Variants in FKTN observed in about 807,000 individuals in gnomAD.
FKTN encodes fukutin.
FKTN carries 47 observed loss-of-function variants against 58.6 expected under a neutral mutation model. That is an observed-to-expected ratio of 0.80 (90% confidence interval 0.63 to 1.02). The LOEUF is 1.02. Among genes scored for constraint, FKTN ranks in the 50% least tolerant of loss-of-function variants. The probability of loss-of-function intolerance (pLI) is 0.00; values close to 1 mark genes in which losing one functional copy is unlikely to be tolerated. For missense variants in FKTN, 516 were observed against 537.3 expected, an observed-to-expected ratio of 0.96 and a Z score of 0.39; for synonymous variants, 178 against 191.9, an observed-to-expected ratio of 0.93 and a Z score of 0.60.
Position 105,636,809 on chromosome 9 carries a change from A to G in FKTN, c.*1545A>G. 3 of 1,224,698 alleles carry G rather than the reference A, an allele frequency of 2.4e-6. No homozygotes were observed. Among genetic ancestry groups the G allele is most frequent in the Non-Finnish European group, 3.2e-6 (3 of 939,378 alleles). 75.9% of individuals were successfully genotyped at this position (1,224,698 alleles called of 1,614,324 possible). ...TGAATGTCTGAGGGAATGGGCTGGT[A>G]GACTTTTTCGAAAACAAATTAGAGA... is the stretch of plus-strand genomic sequence containing the variant. On this transcript the variant is annotated 3_prime_UTR_variant, in exon 11 of 11. Transcript: ENST00000357998.
rs540041878 is a variant in FKTN, at chr9:105,617,902, A to T, written c.911-57A>T. 6 of 1,071,378 alleles carry T rather than the reference A, an allele frequency of 5.6e-6. No individual in the cohort carries two copies. The South Asian group carries it at 7.1e-5, about 13-fold the overall frequency. The allele number at this position is 1,071,378 out of a possible 1,614,324, so 66.4% of individuals were successfully genotyped here. Reference sequence around the variant, plus strand: ...CCTTGTTACAAATATAATTTGTTATAATAACTAATTTTTTCCAAACCTAAA... The same window carrying T: ...CCTTGTTACAAATATAATTTGTTATTATAACTAATTTTTTCCAAACCTAAA... On this transcript the variant is annotated intron_variant, in intron 8 of 10. Coordinates refer to ENST00000357998, the MANE Select transcript of FKTN (RefSeq NM_001079802.2).
chr9:105,627,379 C>T (rs1832874857), intron 10 of FKTN, among the ~76,000 whole-genome samples: 1 of 152,046 alleles, frequency 6.6e-6, no homozygotes, highest in African/African-American at 2.4e-5. Context: ...GAAATCTTTC[C>T]CTATCCCAAG....
intron 4 of FKTN, among the ~76,000 whole-genome samples, chr9:105,600,348 C>T (rs924185024): frequency 2.0e-5 from 3 of 151,994 alleles, no homozygotes; most frequent in Non-Finnish European, 4.4e-5. Context: ...CATGAAGCAC[C>T]TTTTTGATAG....
intron 3 of FKTN, among the ~76,000 whole-genome samples, chr9:105,591,647 G>C (rs80170401): frequency 0.031 from 4,739 of 152,232 alleles, 163 homozygotes; most frequent in African/African-American, 0.087. Context: ...GTACCATGCA[G>C]GTTACTGGTG....
At position 105,635,383 on chromosome 9, in the gene FKTN, G is replaced by A; in HGVS notation, c.*119G>A. 1.3e-6 allele frequency: 2 copies of A among 1,530,202 alleles called. No homozygotes were observed. The highest frequency in any genetic ancestry group is 1.8e-6 in the Non-Finnish European group (2 of 1,140,816). 94.8% of individuals were successfully genotyped at this position (1,530,202 alleles called of 1,614,324 possible). ...ACCAAAGAAAAAATGTGACAAGTTT[G>A]AAGACACAGAAAGAGTCATCTGATG... On this transcript the variant is annotated 3_prime_UTR_variant, in exon 11 of 11. Coordinates refer to ENST00000357998, the MANE Select transcript of FKTN (RefSeq NM_001079802.2).
In FKTN at chr9:105,575,137, G is replaced by A. The variant is rs751029878; in HGVS notation, c.105G>A (p.Lys35=). ...ACTACAAGCACTATTTATCAACAAA[G>A]GTAATTTTATTCCTTCTTTCTTATC... ...LYYYKHYLST[K]NGAGLSKSKG... is the part of the protein sequence containing the mutation. The change falls in exon 3 of 11, where the codon AAG becomes AAA. Residue 35 remains lysine, a splice_region_variant and synonymous_variant. Coordinates refer to ENST00000357998, the MANE Select transcript of FKTN (RefSeq NM_001079802.2). 3.3e-6 allele frequency: 5 copies of A among 1,512,882 alleles called. No individual in the cohort carries two copies. The highest frequency in any genetic ancestry group is 4.6e-6 in the Non-Finnish European group (5 of 1,088,014). 93.7% of individuals were successfully genotyped at this position (1,512,882 alleles called of 1,614,324 possible). A position where few individuals can be genotyped will look rare whatever the true frequency, so the allele number is the denominator to read the frequency against.
At position 105,639,940 on chromosome 9, in the gene FKTN, A is replaced by T. The variant is rs943104789; in HGVS notation, c.*4676A>T. 4.1e-6 allele frequency: 6 copies of T among 1,466,026 alleles called. No homozygotes were observed. The African/African-American group carries it at 8.5e-5, about 21-fold the overall frequency. The allele number at this position is 1,466,026 out of a possible 1,614,324, so 90.8% of individuals were successfully genotyped here. On this transcript the variant is annotated 3_prime_UTR_variant, in exon 11 of 11. Coordinates refer to ENST00000357998, the MANE Select transcript of FKTN (RefSeq NM_001079802.2). ...TAAATCTTTACCTCCTTGTTAGTGAAATTAGATATAAGCCATGATTTGGAG... is the reference window on the plus strand; with the variant it reads ...TAAATCTTTACCTCCTTGTTAGTGATATTAGATATAAGCCATGATTTGGAG...
intron 4 of FKTN, 35 bp downstream of exon 4, chr9:105,596,692 A>C: frequency 7.3e-7 from 1 of 1,371,880 alleles, no homozygotes; most frequent in Non-Finnish European, 1.0e-6. Flanking sequence ...CTCAATTATA[A>C]TGTTCATTTA....
intron 7 of FKTN, among the ~76,000 whole-genome samples, chr9:105,612,432 C>A (rs1830100410): frequency 1.3e-5 from 2 of 152,002 alleles, no homozygotes; most frequent in South Asian, 4.2e-4. Flanking sequence ...GTTGCAATTT[C>A]TTTTGGCATC....
intron 3 of FKTN, among the ~76,000 whole-genome samples, chr9:105,576,875 T>TGGTA (rs1469445130): frequency 1.9e-4 from 20 of 103,510 alleles, no homozygotes; most frequent in African/African-American, 8.0e-4. Flanking sequence ...TGGTGTGAGA[T>TGGTA]GGTATCTCAT....
chr9:105,581,382 A>G (rs941664058), intron 3 of FKTN, among the ~76,000 whole-genome samples: 8 of 148,104 alleles, frequency 5.4e-5, no homozygotes, highest in Non-Finnish European at 1.2e-4. Flanking sequence ...TTTTCCTTCT[A>G]ACAGACAGGA....
At position 105,615,269 on chromosome 9, in the gene FKTN, T is replaced by A. The variant is rs370564232; in HGVS notation, c.781-9T>A. On this transcript the variant is annotated splice_polypyrimidine_tract_variant and intron_variant, in intron 7 of 10. Transcript: ENST00000357998. ...GGCTGTAATAGCTGACTATTTATTA[T>A]ATCTGTAGCAGTACCTTGATGATAA... 1.2e-6 allele frequency: 2 copies of A among 1,613,702 alleles called. No homozygotes were observed. Among genetic ancestry groups the A allele is most frequent in the South Asian group, 2.2e-5 (2 of 91,086 alleles).
chr9:105,566,083 G>C (rs749187522), intron 1 of FKTN, among the ~76,000 whole-genome samples: 10 of 152,194 alleles, frequency 6.6e-5, no homozygotes, highest in Non-Finnish European at 1.5e-4. Context: ...CAGAAATAAA[G>C]ATGTGCTTTG....
intron 2 of FKTN, among the ~76,000 whole-genome samples, chr9:105,573,980 A>G (rs918638184): frequency 2.6e-5 from 4 of 152,234 alleles, no homozygotes; most frequent in Non-Finnish European, 5.9e-5. Context: ...ATAAACTGCA[A>G]GAAGATGAAT....
chr9:105,619,911 G>A (rs760739538), intron 9 of FKTN, 23 bp from the exon 10 acceptor site: 1 of 1,602,980 alleles, frequency 6.2e-7, no homozygotes, highest in South Asian at 1.1e-5. Flanking sequence ...TTCAGTGTGT[G>A]AAGGTTTTCA....
intron 3 of FKTN, among the ~76,000 whole-genome samples, chr9:105,584,247 G>A (rs973011283): frequency 6.6e-6 from 1 of 151,878 alleles, no homozygotes; most frequent in East Asian, 1.9e-4. Flanking sequence ...GTAAAAATTG[G>A]CTATTATTAT....
Position 105,596,621 on chromosome 9 carries a change from C to A in FKTN, c.129C>A (p.Ser43=). The part of the protein sequence containing the change: ...STKNGAGLSK[S]KGSRIGFDST... ...AGAATGGAGCTGGTTTGTCAAAATC[C>A]AAAGGAAGCCGAATTGGATTTGATA... The change falls in exon 4 of 11, where the codon TCC becomes TCA. Residue 43 remains serine (S), a synonymous_variant. Coordinates refer to ENST00000357998, the MANE Select transcript of FKTN (RefSeq NM_001079802.2). The A allele has an allele frequency of 1.2e-6, 2 of 1,612,974 alleles. No individual in the cohort carries two copies. The highest frequency in any genetic ancestry group is 1.7e-6 in the Non-Finnish European group (2 of 1,179,246).
chr9:105,570,050 CTATAGGTTATTTTT>C (rs887153967), intron 1 of FKTN, among the ~76,000 whole-genome samples: 33 of 150,700 alleles, frequency 2.2e-4, no homozygotes, highest in Non-Finnish European at 4.2e-4. Flanking sequence ...CCATATCTCT[CTATAGGTTATTTTT>C]TATATTTTTA....
chr9:105,632,514 T>C (rs1833605276), intron 10 of FKTN, among the ~76,000 whole-genome samples: 3 of 151,786 alleles, frequency 2.0e-5, no homozygotes, highest in Admixed American at 2.0e-4. Context: ...TCTCTGAGCC[T>C]AGTAATAATA....
Sources: allele counts gnomAD v4.1 joint callset (sites outside exome capture counted in the v4.1 genomes callset), GRCh38; gene constraint gnomAD v4.1.1; transcripts MANE v1.5; gene names NCBI Gene and HGNC (gene_info 2026-07-23, HGNC 2026-07-21).